SHISA9: variants seen among roughly 807,000 people sequenced by gnomAD.
SHISA9 encodes protein shisa-9.
SHISA9 carries 13 observed loss-of-function variants against 38.0 expected under a neutral mutation model. The ratio of observed to expected loss-of-function variants is 0.34; its 90% CI spans 0.22 to 0.54. The LOEUF (loss-of-function observed/expected upper bound fraction) is 0.54, where lower values mean the gene tolerates loss of function less well. SHISA9 is among the 20% of genes least tolerant of loss of function. The probability of loss-of-function intolerance (pLI) is 0.91; values close to 1 mark genes in which losing one functional copy is unlikely to be tolerated. For missense variants in SHISA9, 538 were observed against 575.8 expected, an observed-to-expected ratio of 0.93 and a Z score of 0.67; for synonymous variants, 275 against 242.0, an observed-to-expected ratio of 1.14 and a Z score of -1.27.
intron 2 of SHISA9, among the ~76,000 whole-genome samples, chr16:13,083,119 C>G (rs377667158): frequency 6.6e-5 from 10 of 152,302 alleles, no homozygotes; most frequent in African/African-American, 2.2e-4. Flanking sequence ...GGGCAGCCAA[C>G]AGTGGGGTCA....
chr16:12,943,116 A>G (rs951831352), intron 2 of SHISA9, among the ~76,000 whole-genome samples: 15 of 152,160 alleles, frequency 9.9e-5, no homozygotes, highest in Middle Eastern at 3.4e-3. Flanking sequence ...TGATTGGGCT[A>G]TGATAGGTCG....
the SHISA9 span, among the ~76,000 whole-genome samples, chr16:13,300,201 C>T: frequency 1.3e-5 from 2 of 152,154 alleles, no homozygotes; most frequent in East Asian, 1.9e-4. Flanking sequence ...CTTCCCTCCC[C>T]AGTACGCCTG....
At chr16:13,067,940 A>G (rs1314622801) in intron 2 of SHISA9, among the ~76,000 whole-genome samples, 1 of 152,224 alleles carries the variant, frequency 6.6e-6, no homozygotes, top group African/African-American at 2.4e-5. Flanking sequence ...GGACACCGGC[A>G]TTAATGCTCA....
At chr16:12,967,181 T>C (rs912619582) in intron 2 of SHISA9, among the ~76,000 whole-genome samples, 16 of 151,812 alleles carry the variant, frequency 1.1e-4, no homozygotes, top group African/African-American at 3.6e-4. Context: ...AATGATAGAC[T>C]GGATTAAGAA....
In SHISA9 at chr16:13,151,104, C is replaced by G. The variant is rs897197477; in HGVS notation, c.692-52290C>G. ...GATAACTAAGAGTGGCACCTGGTCA[C>G]TTTTATTTTTATTTTTATTTTAGAT... On this transcript the variant is annotated intron_variant, in intron 2 of 4. Coordinates refer to ENST00000558583, the MANE Select transcript of SHISA9 (RefSeq NM_001145204.3). Among the ~76,000 whole-genome samples, 9 of 151,932 alleles carry G rather than the reference C, an allele frequency of 5.9e-5. No individual in the cohort carries two copies. In the South Asian group the frequency reaches 8.3e-4, roughly 14 times the overall value.
chr16:13,027,515 T>C (rs1376497023), intron 2 of SHISA9, among the ~76,000 whole-genome samples: 1 of 152,166 alleles, frequency 6.6e-6, no homozygotes, highest in Non-Finnish European at 1.5e-5. Flanking sequence ...GCTCTATTCA[T>C]AATAGCTAAA....
intron 2 of SHISA9, among the ~76,000 whole-genome samples, chr16:13,195,925 T>C (rs942753829): frequency 6.6e-6 from 1 of 150,740 alleles, no homozygotes; most frequent in African/African-American, 2.4e-5. Context: ...CTGTCTCTAC[T>C]AAAAATAAAA....
chr16:13,260,597 C>T, the SHISA9 span, among the ~76,000 whole-genome samples: 11 of 152,288 alleles, frequency 7.2e-5, no homozygotes, highest in Middle Eastern at 3.4e-3. Flanking sequence ...TCTGAGACCA[C>T]CTCAGCCTGG....
the SHISA9 span, among the ~76,000 whole-genome samples, chr16:13,422,736 C>A: frequency 6.6e-6 from 1 of 151,958 alleles, no homozygotes; most frequent in African/African-American, 2.4e-5. Context: ...CAAACAAAAA[C>A]CACCACCACC....
intron 1 of SHISA9, among the ~76,000 whole-genome samples, chr16:12,906,912 G>A (rs1480829504): frequency 6.6e-6 from 1 of 152,092 alleles, no homozygotes; most frequent in Non-Finnish European, 1.5e-5. Context: ...TAAGGGCAAA[G>A]GGCAAAACTG....
rs764635936 is a variant in SHISA9, at chr16:13,235,223, C to A, written c.1089C>A (p.Thr363=). Residue 363 remains threonine (T), a synonymous_variant, in exon 5 of 5, where the codon ACC becomes ACA. Transcript: ENST00000558583. ...TGCCCCCACATCCCCTGGCCTACAC[C>A]TCTACCACCAACTTTAAGGGCTGGG... ...NKMPPHPLAY[T]STTNFKGWDP... The A allele has an allele frequency of 6.4e-7, 1 of 1,551,772 alleles. No individual in the cohort carries two copies. The highest frequency in any genetic ancestry group is 1.2e-5 in the South Asian group (1 of 84,062).
chr16:13,192,346 A>C (rs2050893300), intron 2 of SHISA9, among the ~76,000 whole-genome samples: 1 of 152,140 alleles, frequency 6.6e-6, no homozygotes, highest in Non-Finnish European at 1.5e-5. Context: ...CCATGTAACA[A>C]ATATGCACAA....
At chr16:13,171,191 G>C (rs555039938) in intron 2 of SHISA9, among the ~76,000 whole-genome samples, 8 of 152,184 alleles carry the variant, frequency 5.3e-5, no homozygotes, top group African/African-American at 1.9e-4. Flanking sequence ...CAGATCTCTT[G>C]TGAACTCATT....
the SHISA9 span, among the ~76,000 whole-genome samples, chr16:13,456,072 A>G: frequency 6.6e-6 from 1 of 152,192 alleles, no homozygotes; most frequent in Admixed American, 6.5e-5. Flanking sequence ...CCTAGGAGAG[A>G]CATACACTAA....
chr16:13,252,212 C>A, the SHISA9 span, among the ~76,000 whole-genome samples: 1 of 152,190 alleles, frequency 6.6e-6, no homozygotes, highest in African/African-American at 2.4e-5. Context: ...TGCTCCAGCC[C>A]CCACTGGCCT....
At chr16:13,260,218 G>A in the SHISA9 span, among the ~76,000 whole-genome samples, 5 of 151,462 alleles carry the variant, frequency 3.3e-5, no homozygotes, top group East Asian at 2.0e-4. Context: ...GGGTTTCACC[G>A]TGTTGGCCAG....
chr16:13,197,036 G>A (rs934565566), intron 2 of SHISA9, among the ~76,000 whole-genome samples: 2 of 152,040 alleles, frequency 1.3e-5, no homozygotes, highest in Admixed American at 6.6e-5. Context: ...AGATTGCAGT[G>A]AGCTGAGATC....
the SHISA9 span, among the ~76,000 whole-genome samples, chr16:13,478,209 A>G: frequency 1.3e-5 from 2 of 152,182 alleles, no homozygotes; most frequent in African/African-American, 4.8e-5. Context: ...AACACATAAA[A>G]GAGATCCTGA....
intron 2 of SHISA9, among the ~76,000 whole-genome samples, chr16:12,925,473 G>GTGTGTGTGTGTTTA (rs113968316): frequency 4.1e-4 from 62 of 150,604 alleles, no homozygotes; most frequent in African/African-American, 1.4e-3. Flanking sequence ...GTGTGTGTGT[G>GTGTGTGTGTGTTTA]CAAGCAACAG....
Sources: gnomAD v4.1 joint callset for allele counts (sites outside exome capture counted in the v4.1 genomes callset) on GRCh38, gnomAD v4.1.1 for gene constraint, MANE v1.5 for transcripts, NCBI Gene and HGNC (gene_info 2026-07-23, HGNC 2026-07-21) for gene names.